CALN1: variants seen among roughly 807,000 people sequenced by gnomAD.
CALN1 encodes the protein calcium-binding protein 8.
In CALN1, 17 loss-of-function variants were observed where a neutral mutation model predicts 30.6. The ratio of observed to expected loss-of-function variants is 0.56; its 90% CI spans 0.38 to 0.83. The LOEUF is 0.83. Among genes scored for constraint, CALN1 ranks in the 40% least tolerant of loss-of-function variants. The probability of loss-of-function intolerance (pLI) is 0.00; values close to 1 mark genes in which losing one functional copy is unlikely to be tolerated. For synonymous variants in CALN1, 156 were observed against 131.4 expected (o/e 1.19, Z -1.28); for missense variants, 291 against 354.9 (o/e 0.82, Z 1.45).
intron 2 of CALN1, among the ~76,000 whole-genome samples, chr7:72,331,953 T>C (rs1430353095): frequency 2.0e-5 from 3 of 152,140 alleles, no homozygotes; most frequent in African/African-American, 7.2e-5. Context: ...GAACATGCAG[T>C]ATTTGATTTT....
At chr7:72,176,047 G>A (rs1257346155) in intron 3 of CALN1, among the ~76,000 whole-genome samples, 1 of 152,086 alleles carries the variant, frequency 6.6e-6, no homozygotes, top group Non-Finnish European at 1.5e-5. Context: ...AGATAAGCAA[G>A]ACAAAGACAC....
chr7:72,405,199 T>G (rs560107422), intron 1 of CALN1, among the ~76,000 whole-genome samples: 2 of 151,772 alleles, frequency 1.3e-5, no homozygotes, highest in Non-Finnish European at 2.9e-5. Flanking sequence ...TTAAAGAGAG[T>G]AAGTGTCTCA....
At chr7:72,392,461 C>T (rs547744982) in intron 2 of CALN1, among the ~76,000 whole-genome samples, 1 of 152,242 alleles carries the variant, frequency 6.6e-6, no homozygotes, top group East Asian at 1.9e-4. Flanking sequence ...CTGAACGGTG[C>T]TGATGGGAGA....
At chr7:72,081,997 T>A (rs1444806275) in intron 4 of CALN1, among the ~76,000 whole-genome samples, 1 of 151,786 alleles carries the variant, frequency 6.6e-6, no homozygotes, top group Non-Finnish European at 1.5e-5. Flanking sequence ...AACCTTTTTT[T>A]TTCTTTTGAG....
chr7:71,956,813 C>A (rs541308088), intron 5 of CALN1, among the ~76,000 whole-genome samples: 17 of 152,304 alleles, frequency 1.1e-4, no homozygotes, highest in Admixed American at 9.2e-4. Context: ...TCTCCTGTCT[C>A]AGCCTCCTGA....
chr7:72,168,028 C>T (rs1168254204), intron 3 of CALN1, among the ~76,000 whole-genome samples: 3 of 152,148 alleles, frequency 2.0e-5, no homozygotes, highest in Non-Finnish European at 4.4e-5. Context: ...GAATTATTGC[C>T]TGGGCAAGAT....
intron 5 of CALN1, among the ~76,000 whole-genome samples, chr7:71,958,222 G>A (rs1177610384): frequency 6.6e-6 from 1 of 152,066 alleles, no homozygotes; most frequent in Non-Finnish European, 1.5e-5. Flanking sequence ...TACCCAACAG[G>A]TAATTTTTCA....
At chr7:71,909,607 G>C (rs1794320173) in intron 5 of CALN1, among the ~76,000 whole-genome samples, 1 of 152,176 alleles carries the variant, frequency 6.6e-6, no homozygotes, top group Non-Finnish European at 1.5e-5. Context: ...ACACTCATCT[G>C]AACAGGTCTG....
At chr7:72,339,989 C>T (rs996466101) in intron 2 of CALN1, among the ~76,000 whole-genome samples, 1 of 152,282 alleles carries the variant, frequency 6.6e-6, no homozygotes, top group East Asian at 1.9e-4. Context: ...CTAAACATAA[C>T]ATCTTAGTGT....
intron 2 of CALN1, among the ~76,000 whole-genome samples, chr7:72,344,733 T>TA (rs1396578587): frequency 3.4e-5 from 5 of 147,456 alleles, no homozygotes; most frequent in Admixed American, 2.7e-4. Flanking sequence ...AATGGCTTTT[T>TA]ATAAATGGAA....
chr7:71,971,672 G>A (rs1025519096), intron 5 of CALN1, among the ~76,000 whole-genome samples: 4 of 151,482 alleles, frequency 2.6e-5, no homozygotes, highest in African/African-American at 7.3e-5. Context: ...CCAACGCAGG[G>A]GGATCACTTG....
intron 6 of CALN1, among the ~76,000 whole-genome samples, chr7:71,792,628 G>C (rs1786637704): frequency 6.6e-6 from 1 of 152,126 alleles, no homozygotes; most frequent in South Asian, 2.1e-4. Flanking sequence ...AAGGAAAAAG[G>C]AGGTGGCATT....
intron 5 of CALN1, among the ~76,000 whole-genome samples, chr7:71,844,451 G>A (rs940532762): frequency 3.3e-5 from 5 of 152,194 alleles, no homozygotes; most frequent in Non-Finnish European, 7.3e-5. Context: ...TTGGTACCAA[G>A]CATTACAATA....
chr7:71,838,190 G>C (rs978059440), intron 5 of CALN1, among the ~76,000 whole-genome samples: 2 of 152,130 alleles, frequency 1.3e-5, no homozygotes, highest in African/African-American at 4.8e-5. Flanking sequence ...AATATGAATG[G>C]AAATATAGCA....
At chr7:72,008,936 G>A (rs763538678) in intron 5 of CALN1, among the ~76,000 whole-genome samples, 8 of 152,284 alleles carry the variant, frequency 5.3e-5, no homozygotes, top group Non-Finnish European at 8.8e-5. Flanking sequence ...GATTACAGGC[G>A]TGAGCCACTG....
intron 5 of CALN1, among the ~76,000 whole-genome samples, chr7:71,861,543 A>C (rs1791277405): frequency 6.6e-6 from 1 of 151,932 alleles, no homozygotes. Context: ...TGGGTGGCCG[A>C]GGCAAGGGGA....
Position 71,803,988 on chromosome 7 carries a change from T to G in CALN1, c.658+6348A>C, listed in dbSNP as rs578013528. Among the ~76,000 whole-genome samples, 184 of 150,492 alleles carry G rather than the reference T, an allele frequency of 1.2e-3. 1 individual carries two copies. The highest frequency in any genetic ancestry group is 6.8e-3 in the Middle Eastern group (2 of 294). ...TGTGTGTGTGCGTGCATGTGTCTGTTGTTTGTGTTGACCTAAAAATTAAAC... is the reference window on the plus strand; with the variant it reads ...TGTGTGTGTGCGTGCATGTGTCTGTGGTTTGTGTTGACCTAAAAATTAAAC... On this transcript the variant is annotated intron_variant, in intron 6 of 6. Transcript: ENST00000395275.
At chr7:71,972,873 G>C (rs757761709) in intron 5 of CALN1, among the ~76,000 whole-genome samples, 2 of 152,086 alleles carry the variant, frequency 1.3e-5, no homozygotes, top group Non-Finnish European at 2.9e-5. Flanking sequence ...GATCTCTTGC[G>C]ATCTTTTGTT....
chr7:72,195,968 AAAG>A (rs772976512), intron 3 of CALN1, among the ~76,000 whole-genome samples: 2 of 152,204 alleles, frequency 1.3e-5, no homozygotes, highest in African/African-American at 4.8e-5. Flanking sequence ...ACACTCAATG[AAAG>A]AATATTTGAT....
Sources: gnomAD v4.1 joint callset for allele counts (sites outside exome capture counted in the v4.1 genomes callset) on GRCh38, gnomAD v4.1.1 for gene constraint, MANE v1.5 for transcripts, NCBI Gene and HGNC (gene_info 2026-07-23, HGNC 2026-07-21) for gene names.